Variants in P2RX1 observed in about 807,000 individuals in gnomAD.
P2RX1 encodes the protein purinergic receptor P2X 1, also known as P2X purinoceptor 1.
A neutral mutation model predicts 50.3 loss-of-function variants in P2RX1; 42 were observed. The observed-to-expected ratio is 0.83, with a 90% confidence interval of 0.65 to 1.08. The LOEUF is 1.08. P2RX1 is among the 50% of genes least tolerant of loss of function. P2RX1 has a pLI of 0.00. For synonymous variants in P2RX1, 199 were observed against 202.6 expected, an observed-to-expected ratio of 0.98 and a Z score of 0.15; for missense variants, 449 against 529.0, an observed-to-expected ratio of 0.85 and a Z score of 1.48.
chr17:3,898,400 G>A, intron 10 of P2RX1, 84 bp downstream of exon 10: 1 of 1,087,628 alleles, frequency 9.2e-7, no homozygotes. Context: ...TCAAGTTTTA[G>A]GGTGAGGGAC....
chr17:3,902,448 G>A lies in P2RX1; in HGVS notation c.747+754C>T, dbSNP rs151337875. 5.3e-3 allele frequency among the ~76,000 whole-genome samples: 791 copies of A among 149,194 alleles called. 10 individuals carry two copies. The highest frequency in any genetic ancestry group is 0.018 in the African/African-American group (746 of 40,430). ...AGCTGGGATTACAGGCGCATGCCAC[G>A]ATGCCTGCCTAATTTTTTTGTATTT... On this transcript the variant is annotated intron_variant, in intron 7 of 11. Transcript: ENST00000225538.
chr17:3,903,095 A>G lies in P2RX1; in HGVS notation c.747+107T>C, dbSNP rs1448672673. The G allele has an allele frequency of 2.0e-6, 3 of 1,481,548 alleles. No homozygotes were observed. Among genetic ancestry groups the G allele is most frequent in the Non-Finnish European group, 2.8e-6 (3 of 1,081,006 alleles). The allele number at this position is 1,481,548 out of a possible 1,614,324, so 91.8% of individuals were successfully genotyped here. ...TATCAGGGGACAGACCCATACATATACTCAGCCCTCACCGAGGAGACTTGG... is the reference window on the plus strand; with the variant it reads ...TATCAGGGGACAGACCCATACATATGCTCAGCCCTCACCGAGGAGACTTGG... On this transcript the variant is annotated intron_variant, in intron 7 of 11. Coordinates refer to ENST00000225538, the MANE Select transcript of P2RX1 (RefSeq NM_002558.4). The surrounding 1 kb of genome is among the most constrained non-coding windows in gnomAD (Gnocchi z 4.6).
At chr17:3,902,006 G>A (rs1437513383) in intron 7 of P2RX1, among the ~76,000 whole-genome samples, 1 of 152,236 alleles carries the variant, frequency 6.6e-6, no homozygotes, top group Non-Finnish European at 1.5e-5. Flanking sequence ...TTTGAACCCG[G>A]TCAGCTAGTT....
At chr17:3,909,534 A>G (rs1433097117) in intron 1 of P2RX1, among the ~76,000 whole-genome samples, 3 of 152,108 alleles carry the variant, frequency 2.0e-5, no homozygotes, top group Non-Finnish European at 4.4e-5. Flanking sequence ...CTGAGATTCA[A>G]TTCCACACAT....
intron 1 of P2RX1, among the ~76,000 whole-genome samples, chr17:3,907,417 C>A (rs532067538): frequency 1.6e-4 from 25 of 151,824 alleles, no homozygotes; most frequent in African/African-American, 5.6e-4. Context: ...CACTCCTTAC[C>A]CTACCCCGAG....
At chr17:3,898,861 G>T in intron 9 of P2RX1, 73 bp downstream of exon 9, 1 of 1,203,724 alleles carries the variant, frequency 8.3e-7, no homozygotes, top group Non-Finnish European at 1.2e-6. Context: ...GTCTATAACT[G>T]TAGATGCCCA....
Position 3,903,302 on chromosome 17 carries a change from G to A in P2RX1, c.647C>T (p.Thr216Ile). The change falls in exon 7 of 12, where the codon ACC (threonine) becomes ATC (isoleucine). Residue 216 changes from threonine (T) to isoleucine (I), a missense_variant. Coordinates refer to ENST00000225538, the MANE Select transcript of P2RX1 (RefSeq NM_002558.4). The surrounding 1 kb of genome is among the most constrained non-coding windows in gnomAD (Gnocchi z 4.6). ...GTGCAGGGTCTTGTGAAAGAGGCAG[G>A]TCTTCATGTGGGCAGCATTCACCTC... ...VEEVNAAHMK[T>I]CLFHKTLHPL... 6.2e-7 allele frequency: 1 copy of A among 1,614,178 alleles called. No homozygotes were observed. Among genetic ancestry groups the A allele is most frequent in the Non-Finnish European group, 8.5e-7 (1 of 1,180,030 alleles).
chr17:3,904,151 TCCCGGACGGG>T lies in P2RX1; in HGVS notation c.428-137_428-128del, dbSNP rs2056211289. On this transcript the variant is annotated intron_variant, in intron 4 of 11. Coordinates refer to ENST00000225538, the MANE Select transcript of P2RX1 (RefSeq NM_002558.4). Reference sequence around the variant, plus strand: ...AGCCAAGGACAGAAACGTGGCTGGGTCCCGGACGGGCAGGCCAAGCCAGGGCGGAGGAGGG... The same window carrying T: ...AGCCAAGGACAGAAACGTGGCTGGGTCAGGCCAAGCCAGGGCGGAGGAGGG... 22 of 1,015,424 alleles carry T rather than the reference TCCCGGACGGG, an allele frequency of 2.2e-5. No homozygotes were observed. In the South Asian group the frequency reaches 2.6e-4, roughly 12 times the overall value. 62.9% of individuals were successfully genotyped at this position (1,015,424 alleles called of 1,614,324 possible). A position where few individuals can be genotyped will look rare whatever the true frequency, so the allele number is the denominator to read the frequency against.
intron 1 of P2RX1, chr17:3,915,283 G>A (rs2056429555): frequency 2.7e-6 from 1 of 365,180 alleles, no homozygotes; most frequent in Non-Finnish European, 5.4e-6. Context: ...GGCAGACATG[G>A]GCACAGCCAT....
At chr17:3,905,438 C>T in intron 1 of P2RX1, 71 bp from the exon 2 acceptor site, 1 of 1,570,096 alleles carries the variant, frequency 6.4e-7, no homozygotes, top group African/African-American at 1.3e-5. Flanking sequence ...CTTTCCCACG[C>T]CCTCCCCAGA....
Position 3,899,025 on chromosome 17 carries a change from C to G in P2RX1, c.876-1G>C, listed in dbSNP as rs753523752. The G allele has an allele frequency of 6.2e-7, 1 of 1,611,112 alleles. No individual in the cohort carries two copies. Reference sequence around the variant, plus strand: ...GTTCTCCACAAAGTGCCTGGCAAACCTTGGGGAAGGGATGAGGTGGCAGGA... The same window carrying G: ...GTTCTCCACAAAGTGCCTGGCAAACGTTGGGGAAGGGATGAGGTGGCAGGA... On this transcript the variant is annotated splice_acceptor_variant, in intron 8 of 11. Coordinates refer to ENST00000225538, the MANE Select transcript of P2RX1 (RefSeq NM_002558.4). LOFTEE classifies it high-confidence loss of function.
chr17:3,899,848 C>T lies in P2RX1; in HGVS notation c.748-87G>A, dbSNP rs2056104026. The T allele has an allele frequency of 3.9e-6, 6 of 1,539,060 alleles. No individual in the cohort carries two copies. In the South Asian group the frequency reaches 6.7e-5, roughly 17 times the overall value. Reference sequence around the variant, plus strand: ...GGGCGCAGTGGCTCACACCTGTAATCCCAGCACTTTGGGAGGCAGAGGCGG... The same window carrying T: ...GGGCGCAGTGGCTCACACCTGTAATTCCAGCACTTTGGGAGGCAGAGGCGG... On this transcript the variant is annotated intron_variant, in intron 7 of 11. Transcript: ENST00000225538.
At chr17:3,905,051 C>A in intron 2 of P2RX1, 122 bp from the exon 3 acceptor site, 3 of 1,129,018 alleles carry the variant, frequency 2.7e-6, no homozygotes, top group Non-Finnish European at 2.6e-6. Flanking sequence ...AGCCACCACA[C>A]CCCCTGCCAC....
Position 3,906,353 on chromosome 17 carries a change from G to A in P2RX1, c.138-986C>T, listed in dbSNP as rs140502105. Among the ~76,000 whole-genome samples the A allele has an allele frequency of 2.4e-3, 360 of 152,180 alleles. 2 individuals carry two copies. Among genetic ancestry groups the A allele is most frequent in the African/African-American group, 8.3e-3 (346 of 41,506 alleles). On this transcript the variant is annotated intron_variant, in intron 1 of 11. Coordinates refer to ENST00000225538, the MANE Select transcript of P2RX1 (RefSeq NM_002558.4). ...TCACCGTGTTGGCCAGGATGTTCTCGATCTCTTGACCTAGTGATCCGCCCG... is the reference window on the plus strand; with the variant it reads ...TCACCGTGTTGGCCAGGATGTTCTCAATCTCTTGACCTAGTGATCCGCCCG...
chr17:3,902,703 G>A (rs2056173512), intron 7 of P2RX1, among the ~76,000 whole-genome samples: 4 of 151,774 alleles, frequency 2.6e-5, no homozygotes, highest in Non-Finnish European at 2.9e-5. Context: ...TGCCTCCCGG[G>A]TTCAAGTGAT....
chr17:3,915,431 C>T, intron 1 of P2RX1: 1 of 456,384 alleles, frequency 2.2e-6, no homozygotes, highest in Non-Finnish European at 4.4e-6. Context: ...CCGAGACAAC[C>T]ATACTGCAGG....
intron 9 of P2RX1, 93 bp from the exon 10 acceptor site, chr17:3,898,642 C>T (rs1232473909): frequency 6.7e-5 from 64 of 948,708 alleles, no homozygotes; most frequent in Non-Finnish European, 9.1e-5. Flanking sequence ...TCCCCACCCT[C>T]GGCTGTGAAC....
At position 3,903,397 on chromosome 17, in the gene P2RX1, A is replaced by AC; in HGVS notation, c.606-55dup. The AC allele has an allele frequency of 6.2e-7, 1 of 1,611,710 alleles. No homozygotes were observed. The highest frequency in any genetic ancestry group is 1.7e-5 in the Admixed American group (1 of 59,782). On this transcript the variant is annotated intron_variant, in intron 6 of 11. Coordinates refer to ENST00000225538, the MANE Select transcript of P2RX1 (RefSeq NM_002558.4). The surrounding 1 kb of genome is among the most constrained non-coding windows in gnomAD (Gnocchi z 4.6). ...CTGTGTGTCATCCGGGAGGGTGCCC[A>AC]CCACGCCCCAAAGCCTGGGGACCCC...
At position 3,897,851 on chromosome 17, in the gene P2RX1, G is replaced by A. The variant is rs201545163; in HGVS notation, c.1163C>T (p.Ser388Phe). The A allele has an allele frequency of 3.1e-6, 5 of 1,613,768 alleles. No homozygotes were observed. The East Asian group carries it at 1.1e-4, about 36-fold the overall frequency. Reference sequence around the variant, plus strand: ...CATGTTCTCCTGCAGGCCCAGGGTGGAGCTGGTAGCTGCGAGGTCACGCTC... The same window carrying A: ...CATGTTCTCCTGCAGGCCCAGGGTGAAGCTGGTAGCTGCGAGGTCACGCTC... ...AAERDLAATS[S>F]TLGLQENMRT... Residue 388 changes from serine (S) to phenylalanine (F), a missense_variant, in exon 12 of 12, where the codon TCC becomes TTC. Transcript: ENST00000225538.
Sources: gnomAD v4.1 joint callset for allele counts (sites outside exome capture counted in the v4.1 genomes callset) on GRCh38, gnomAD v4.1.1 for gene constraint, Gnocchi (gnomAD v3.1) non-coding constraint, MANE v1.5 for transcripts, NCBI Gene and HGNC (gene_info 2026-07-23, HGNC 2026-07-21) for gene names.